Variants in MCM4 observed in about 807,000 individuals in gnomAD.
The protein encoded by MCM4 is minichromosome maintenance complex component 4.
A neutral mutation model predicts 88.7 loss-of-function variants in MCM4; 60 were observed. That is an observed-to-expected ratio of 0.68 (90% CI 0.55 to 0.84). MCM4 has a LOEUF of 0.84. Among genes scored for constraint, MCM4 ranks in the 40% least tolerant of loss-of-function variants. The pLI is 0.00. For missense variants in MCM4, 1,149 were observed against 1,105.5 expected (o/e 1.04, Z -0.56); for synonymous variants, 465 against 410.5 (o/e 1.13, Z -1.61).
intron 7 of MCM4, among the ~76,000 whole-genome samples, chr8:47,963,922 G>T (rs528393816): frequency 2.0e-5 from 3 of 152,300 alleles, no homozygotes; most frequent in African/African-American, 7.2e-5. Context: ...GAATAAATAT[G>T]ATTTAACTTA....
intron 14 of MCM4, 60 bp downstream of exon 14, chr8:47,973,124 C>T: frequency 7.6e-7 from 1 of 1,308,990 alleles, no homozygotes; most frequent in Admixed American, 1.9e-5. Flanking sequence ...TGTAACTGAC[C>T]AATCATCTCC....
chr8:47,970,969 G>T (rs1434781185), intron 12 of MCM4, 93 bp downstream of exon 12: 2 of 1,448,100 alleles, frequency 1.4e-6, no homozygotes, highest in Non-Finnish European at 9.2e-7. Flanking sequence ...TGCTACCTTG[G>T]TTCTAACTTG....
In MCM4 at chr8:47,974,728, C is replaced by CG. The variant is rs1563836187; in HGVS notation, c.2137-6_2137-5insG. On this transcript the variant is annotated splice_region_variant and splice_polypyrimidine_tract_variant and intron_variant, in intron 14 of 16. Transcript: ENST00000649973. ...GCTTTTGCTTTTGTTTTTCTACCTA[C>CG]AATAGGCTTATGTAGACATGAGGAA... 1.2e-6 allele frequency: 2 copies of CG among 1,611,766 alleles called. No individual in the cohort carries two copies. Among genetic ancestry groups the CG allele is most frequent in the Non-Finnish European group, 1.7e-6 (2 of 1,178,082 alleles).
At chr8:47,968,412 A>G (rs2090920520) in intron 10 of MCM4, among the ~76,000 whole-genome samples, 1 of 152,212 alleles carries the variant, frequency 6.6e-6, no homozygotes. Flanking sequence ...TGACGTGCGC[A>G]TTTCCAGTCC....
rs748390153 is a variant in MCM4, at chr8:47,961,573, C to T, written c.128C>T (p.Thr43Ile). The change falls in exon 3 of 17, where the codon ACC (threonine) becomes ATC (isoleucine). Residue 43 changes from threonine to isoleucine, a missense_variant. Around this residue, in one of 3 missense-constraint regions of MCM4, gnomAD observed 906 missense variants for 843.0 expected, o/e 1.07. Transcript: ENST00000649973. ...CAGAGACGTAGAGGCGAGGATTCCACCTCCACGGGGGAGTTGCAGCCGATG... is the reference window on the plus strand; with the variant it reads ...CAGAGACGTAGAGGCGAGGATTCCATCTCCACGGGGGAGTTGCAGCCGATG... ...PSQRRRGEDS[T>I]STGELQPMPT... is the part of the protein sequence containing the mutation. The T allele has an allele frequency of 5.6e-6, 9 of 1,614,194 alleles. No homozygotes were observed. The East Asian group carries it at 1.8e-4, about 32-fold the overall frequency.
In MCM4 at chr8:47,961,579, CG is replaced by C; in HGVS notation, c.139del (p.Glu47SerfsTer44). 1.2e-6 allele frequency: 2 copies of C among 1,614,178 alleles called. No individual in the cohort carries two copies. The highest frequency in any genetic ancestry group is 1.7e-6 in the Non-Finnish European group (2 of 1,180,038). On this transcript the variant is annotated frameshift_variant, in exon 3 of 17. Transcript: ENST00000649973. LOFTEE classifies it high-confidence loss of function. ...QRRRGEDSTS[T>X]GELQPMPTSP... is the part of the protein sequence containing the mutation. Reference sequence around the variant, plus strand: ...CGTAGAGGCGAGGATTCCACCTCCACGGGGGAGTTGCAGCCGATGCCAACCT... The same window carrying C: ...CGTAGAGGCGAGGATTCCACCTCCACGGGGAGTTGCAGCCGATGCCAACCT...
intron 16 of MCM4, 89 bp from the exon 17 acceptor site, chr8:47,976,596 TG>T: frequency 2.2e-6 from 2 of 897,598 alleles, no homozygotes; most frequent in East Asian, 2.6e-5. Context: ...AGATTCTGGG[TG>T]GTACTTTAAC....
At chr8:47,961,454 C>T (rs2090832271) in intron 2 of MCM4, 62 bp from the exon 3 acceptor site, 2 of 1,611,604 alleles carry the variant, frequency 1.2e-6, no homozygotes, top group African/African-American at 2.7e-5. Context: ...AAGGAAAAGA[C>T]AAATCCAGGA....
rs1419285236 is a variant in MCM4, at chr8:47,961,101, G to T, written c.-14-30G>T. 2.6e-6 allele frequency: 4 copies of T among 1,518,234 alleles called. No homozygotes were observed. In the South Asian group the frequency reaches 4.8e-5, roughly 18 times the overall value. 94.0% of individuals were successfully genotyped at this position (1,518,234 alleles called of 1,614,324 possible). ...GCAGGGCAGGGAAGCCGGGAGGCGG[G>T]CCCGGCCCGAGCTTGTCCTTGTCGC... On this transcript the variant is annotated intron_variant, in intron 1 of 16. Coordinates refer to ENST00000649973, the MANE Select transcript of MCM4 (RefSeq NM_182746.3).
intron 12 of MCM4, 93 bp downstream of exon 12, chr8:47,970,969 G>C: frequency 1.4e-6 from 2 of 1,448,100 alleles, no homozygotes; most frequent in South Asian, 2.8e-5. Context: ...TGCTACCTTG[G>C]TTCTAACTTG....
At position 47,972,982 on chromosome 8, in the gene MCM4, C is replaced by A. The variant is rs763060839; in HGVS notation, c.2054C>A (p.Ala685Glu). 6.2e-7 allele frequency: 1 copy of A among 1,614,086 alleles called. No homozygotes were observed. The highest frequency in any genetic ancestry group is 1.3e-5 in the African/African-American group (1 of 75,020). The change falls in exon 14 of 17, where the codon GCG becomes GAG. Residue 685 changes from alanine (A) to glutamate (E), a missense_variant. By Grantham distance (107) the Ala-to-Glu change is moderately radical. Around this residue, in one of 3 missense-constraint regions of MCM4, gnomAD observed 238 missense variants for 241.6 expected, o/e 0.99. Coordinates refer to ENST00000649973, the MANE Select transcript of MCM4 (RefSeq NM_182746.3). Reference protein sequence around the residue: ...EQAEEELLDMAVLKDYIAYAH... With the variant: ...EQAEEELLDMEVLKDYIAYAH... ...GCAGAGGAGGAGCTCCTGGACATGG[C>A]GGTGCTAAAGGACTACATTGCCTAC...
At chr8:47,973,297 C>T (rs1410925051) in intron 14 of MCM4, among the ~76,000 whole-genome samples, 1 of 152,012 alleles carries the variant, frequency 6.6e-6, no homozygotes, top group African/African-American at 2.4e-5. Context: ...CTGCTTCAGC[C>T]TCCCTATTAG....
chr8:47,971,156 C>T (rs1457647388), intron 12 of MCM4, among the ~76,000 whole-genome samples, 185 bp from the exon 13 acceptor site: 2 of 152,174 alleles, frequency 1.3e-5, no homozygotes, highest in Non-Finnish European at 2.9e-5. Context: ...TAAACTCAGT[C>T]CTTGGCATGA....
At chr8:47,964,285 T>TA (rs2090876411) in intron 7 of MCM4, among the ~76,000 whole-genome samples, 1 of 152,150 alleles carries the variant, frequency 6.6e-6, no homozygotes, top group South Asian at 2.1e-4. Flanking sequence ...AGAAGGAAAA[T>TA]AAAGTGTGAG....
intron 16 of MCM4, among the ~76,000 whole-genome samples, chr8:47,976,246 TCCCA>T (rs2090999381): frequency 6.8e-6 from 1 of 146,802 alleles, no homozygotes; most frequent in African/African-American, 2.6e-5. Flanking sequence ...TAAGCTGAGA[TCCCA>T]CCATTGCTCT....
intron 9 of MCM4, 115 bp from the exon 10 acceptor site, chr8:47,967,250 T>C (rs1319597133): frequency 2.8e-5 from 30 of 1,083,526 alleles, no homozygotes; most frequent in Non-Finnish European, 3.7e-5. Context: ...GGACAATCAT[T>C]TATGTGGGGA....
intron 3 of MCM4, 71 bp from the exon 4 acceptor site, chr8:47,961,982 A>T (rs1469902224): frequency 1.4e-6 from 2 of 1,407,040 alleles, no homozygotes; most frequent in African/African-American, 2.8e-5. Flanking sequence ...TAGATGGTAT[A>T]GATCAACAGA....
intron 9 of MCM4, among the ~76,000 whole-genome samples, 159 bp from the exon 10 acceptor site, chr8:47,967,203 TAGA>T (rs892105379): frequency 2.6e-5 from 4 of 152,248 alleles, no homozygotes; most frequent in East Asian, 1.9e-4. Context: ...GCAACTTCTT[TAGA>T]AGAAGTAATT....
At position 47,976,671 on chromosome 8, in the gene MCM4, TTCTC is replaced by T; in HGVS notation, c.2500-13_2500-10del. The T allele has an allele frequency of 6.3e-7, 1 of 1,598,000 alleles. No homozygotes were observed. Among genetic ancestry groups the T allele is most frequent in the Non-Finnish European group, 8.6e-7 (1 of 1,165,866 alleles). ...TTGACGTGTACAATATTTATTTTCT[TTCTC>T]TTCCCCACAGGCAATTACTAAAGAT... On this transcript the variant is annotated splice_polypyrimidine_tract_variant and intron_variant, in intron 16 of 16. Coordinates refer to ENST00000649973, the MANE Select transcript of MCM4 (RefSeq NM_182746.3).
Sources: gnomAD v4.1 joint callset for allele counts (sites outside exome capture counted in the v4.1 genomes callset) on GRCh38, gnomAD v4.1.1 for gene constraint, gnomAD v4.1.1 regional missense constraint, MANE v1.5 for transcripts, NCBI Gene and HGNC (gene_info 2026-07-23, HGNC 2026-07-21) for gene names.